The following C12orf71 variants were observed in gnomAD, a reference collection of about 807,000 sequenced individuals.
C12orf71 encodes the protein chromosome 12 open reading frame 71, also known as uncharacterized protein C12orf71.
C12orf71 carries 10 observed loss-of-function variants against 11.7 expected under a neutral mutation model. That is an observed-to-expected ratio of 0.86 (90% CI 0.53 to 1.45). The LOEUF is 1.45. Among genes scored for constraint, C12orf71 ranks in the 40% most tolerant of loss-of-function variants. The pLI is 0.00. For missense variants in C12orf71, 293 were observed against 325.8 expected (o/e 0.90, Z 0.78); for synonymous variants, 110 against 123.4 (o/e 0.89, Z 0.72).
In C12orf71 at chr12:27,081,750, G is replaced by C; in HGVS notation, c.516+218C>G. 4.2e-6 allele frequency: 3 copies of C among 717,450 alleles called. No individual in the cohort carries two copies. In the South Asian group the frequency reaches 4.5e-5, roughly 11 times the overall value. 44.4% of individuals were successfully genotyped at this position (717,450 alleles called of 1,614,324 possible). On this transcript the variant is annotated intron_variant, in intron 1 of 1. Transcript: ENST00000429849. ...CCTTGTTGTCTCCCACTGGTATCAC[G>C]TCAGTCCCCCTGGGACCTGCCTCCT...
chr12:27,082,232 G>T lies in C12orf71; in HGVS notation c.252C>A (p.Cys84Ter), dbSNP rs543742737. 1 of 1,613,476 alleles carries T rather than the reference G, an allele frequency of 6.2e-7. No individual in the cohort carries two copies. Among genetic ancestry groups the T allele is most frequent in the South Asian group, 1.1e-5 (1 of 91,006 alleles). The change falls in exon 1 of 2, where the codon TGC (cysteine) becomes TGA (stop). Residue 84 changes from cysteine (C) to a stop codon, truncating the protein, a stop_gained. Coordinates refer to ENST00000429849, the MANE Select transcript of C12orf71 (RefSeq NM_001080406.2). LOFTEE classifies it high-confidence loss of function. ...CCCAGGCCAGGAAGATGCTTAGTTT[G>T]CAAAACTGCTCTGGTTCATCCTGAA... is the stretch of plus-strand genomic sequence containing the variant. ...DQIQDEPEQF[C>*]KLSIFLAWDV...
At position 27,082,049 on chromosome 12, in the gene C12orf71, C is replaced by T; in HGVS notation, c.435G>A (p.Leu145=). The change falls in exon 1 of 2, where the codon CTG becomes CTA. Residue 145 remains leucine, a synonymous_variant. Coordinates refer to ENST00000429849, the MANE Select transcript of C12orf71 (RefSeq NM_001080406.2). The part of the protein sequence containing the change: ...VQEFQIFLEN[L]KDDDAVFPET... The stretch of plus-strand genomic sequence containing the variant: ...CAGGAAATACAGCGTCATCATCTTT[C>T]AGATTTTCTAGAAATATCTGAAACT... The T allele has an allele frequency of 6.2e-7, 1 of 1,601,272 alleles. No individual in the cohort carries two copies.
intron 1 of C12orf71, 23 bp downstream of exon 1, chr12:27,081,945 G>A (rs74075111): frequency 0.13 from 206,945 of 1,563,674 alleles, 14,706 homozygotes; most frequent in African/African-American, 0.26. Flanking sequence ...GTCTTGACAA[G>A]CATCATATTC....
chr12:27,082,589 C>T (rs763939053), upstream of C12orf71: 50 of 794,648 alleles, frequency 6.3e-5, no homozygotes, highest in Non-Finnish European at 1.3e-5. Context: ...TAAGCAAAAA[C>T]ATTATCCATT....
rs1222496030 is a variant in C12orf71 at position 27,081,347 on chromosome 12, A to T, written c.637T>A (p.Phe213Ile). ...SHTQAQCCLN[F>I]GWAFSWLRQR... is the part of the protein sequence containing the mutation. ...CTCAGCCAGCTGAAGGCCCACCCAAAGTTCAGGCAGCACTGGGCCTGTGTG... is the reference window on the plus strand; with the variant it reads ...CTCAGCCAGCTGAAGGCCCACCCAATGTTCAGGCAGCACTGGGCCTGTGTG... The change falls in exon 2 of 2, where the codon TTT becomes ATT. Residue 213 changes from phenylalanine to isoleucine, a missense_variant. Coordinates refer to ENST00000429849, the MANE Select transcript of C12orf71 (RefSeq NM_001080406.2). 6.2e-7 allele frequency: 1 copy of T among 1,613,984 alleles called. No individual in the cohort carries two copies. Among genetic ancestry groups the T allele is most frequent in the East Asian group, 2.2e-5 (1 of 44,860 alleles).
upstream of C12orf71, among the ~76,000 whole-genome samples, chr12:27,083,680 T>C (rs150819122): frequency 4.1e-4 from 62 of 152,358 alleles, 1 homozygote; most frequent in African/African-American, 1.4e-3. Context: ...TCTGCAATTT[T>C]TAACCACTTC....
At chr12:27,081,798 G>T (rs1302696321) in intron 1 of C12orf71, 170 bp downstream of exon 1, 3 of 782,094 alleles carry the variant, frequency 3.8e-6, no homozygotes, top group Admixed American at 4.0e-5. Flanking sequence ...AAGATTCTGT[G>T]GTTCAACCCA....
chr12:27,083,957 C>G (rs1357385778), upstream of C12orf71, among the ~76,000 whole-genome samples: 1 of 152,164 alleles, frequency 6.6e-6, no homozygotes, highest in African/African-American at 2.4e-5. Context: ...TGCACGCGTG[C>G]ACGCGCGCAC....
chr12:27,083,889 G>C (rs1941956843), upstream of C12orf71, among the ~76,000 whole-genome samples: 1 of 152,194 alleles, frequency 6.6e-6, no homozygotes, highest in Non-Finnish European at 1.5e-5. Flanking sequence ...ACACTGTTTA[G>C]TCCAGCTTTT....
chr12:27,081,812 C>T, intron 1 of C12orf71, 156 bp downstream of exon 1: 2 of 842,472 alleles, frequency 2.4e-6, no homozygotes, highest in Non-Finnish European at 3.9e-6. Flanking sequence ...CAACCCAGGC[C>T]TATCCCTTCC....
At chr12:27,083,774 A>G (rs1463733706), upstream of C12orf71, among the ~76,000 whole-genome samples, 1 of 152,246 alleles carries the variant, frequency 6.6e-6, no homozygotes, top group African/African-American at 2.4e-5. Flanking sequence ...ATGTAGGATT[A>G]ATGGACCAAA....
In C12orf71 at chr12:27,082,463, G is replaced by C. The variant is rs200508281; in HGVS notation, c.21C>G (p.Asn7Lys). MAYSSSNSDIEDDSSKS... is the reference protein window; with the variant it reads MAYSSSKSDIEDDSSKS... Reference sequence around the variant, plus strand: ...TGGAGCTGTCGTCCTCTATGTCGCTGTTAGAGGATGAATATGCCATGGAGT... The same window carrying C: ...TGGAGCTGTCGTCCTCTATGTCGCTCTTAGAGGATGAATATGCCATGGAGT... Residue 7 changes from asparagine (N) to lysine (K), a missense_variant, in exon 1 of 2, where the codon AAC becomes AAG. Physicochemically the swap from Asn to Lys is moderately conservative, Grantham distance 94. Coordinates refer to ENST00000429849, the MANE Select transcript of C12orf71 (RefSeq NM_001080406.2). The C allele has an allele frequency of 7.3e-6, 11 of 1,504,818 alleles. No homozygotes were observed. The South Asian group carries it at 1.5e-4, about 21-fold the overall frequency. The allele number at this position is 1,504,818 out of a possible 1,614,324, so 93.2% of individuals were successfully genotyped here.
upstream of C12orf71, among the ~76,000 whole-genome samples, chr12:27,083,762 A>G (rs548593047): frequency 7.2e-5 from 11 of 152,274 alleles, no homozygotes; most frequent in Admixed American, 2.0e-4. Context: ...TTATTTTTCT[A>G]TATGTAGGAT....
chr12:27,083,952 G>A (rs1316166179), upstream of C12orf71, among the ~76,000 whole-genome samples: 3 of 152,138 alleles, frequency 2.0e-5, no homozygotes, highest in Non-Finnish European at 4.4e-5. Context: ...GTGCATGCAC[G>A]CGTGCACGCG....
At chr12:27,081,607 T>A in intron 1 of C12orf71, 140 bp from the exon 2 acceptor site, 3 of 819,528 alleles carry the variant, frequency 3.7e-6, no homozygotes, top group Non-Finnish European at 5.8e-6. Flanking sequence ...TCATCAATAC[T>A]AAACATATAC....
At position 27,081,445 on chromosome 12, in the gene C12orf71, C is replaced by T. The variant is rs759136904; in HGVS notation, c.539G>A (p.Ser180Asn). 6.2e-7 allele frequency: 1 copy of T among 1,610,164 alleles called. No homozygotes were observed. Among genetic ancestry groups the T allele is most frequent in the Non-Finnish European group, 8.5e-7 (1 of 1,177,064 alleles). The change falls in exon 2 of 2, where the codon AGC becomes AAC. Residue 180 changes from serine (S) to asparagine (N), a missense_variant. Coordinates refer to ENST00000429849, the MANE Select transcript of C12orf71 (RefSeq NM_001080406.2). ...GATCTCTGGAGCGCTTGTCCTTTGG[C>T]TGGCGGTTGCCTGGCTTATCATCTG... ...MVQMISQATA[S>N]QRTSAPEISS...
intron 1 of C12orf71, 72 bp from the exon 2 acceptor site, chr12:27,081,539 G>A: frequency 4.1e-6 from 6 of 1,467,712 alleles, no homozygotes; most frequent in Non-Finnish European, 5.6e-6. Flanking sequence ...TTACTCATTT[G>A]TGGAACTCAC....
At position 27,082,166 on chromosome 12, in the gene C12orf71, A is replaced by G. The variant is rs772410901; in HGVS notation, c.318T>C (p.Asn106=). Residue 106 remains asparagine (N), a synonymous_variant, in exon 1 of 2, where the codon AAT becomes AAC. Coordinates refer to ENST00000429849, the MANE Select transcript of C12orf71 (RefSeq NM_001080406.2). ...ACAGGTTGTCTCCATTTAGAAGCCTATTAGCTCTTGAGTCTGTGTTATCGG... is the reference window on the plus strand; with the variant it reads ...ACAGGTTGTCTCCATTTAGAAGCCTGTTAGCTCTTGAGTCTGTGTTATCGG... ...IGSDNTDSRA[N]RLLNGDNLWI... 11 of 1,613,960 alleles carry G rather than the reference A, an allele frequency of 6.8e-6. No homozygotes were observed. Among genetic ancestry groups the G allele is most frequent in the South Asian group, 4.4e-5 (4 of 91,076 alleles).
Position 27,081,818 on chromosome 12 carries a change from C to T in C12orf71, c.516+150G>A, listed in dbSNP as rs1270763941. Reference sequence around the variant, plus strand: ...TCTGTGGTTCAACCCAGGCCTATCCCTTCCTGTCCTGTGAGGCATCTCTGC... The same window carrying T: ...TCTGTGGTTCAACCCAGGCCTATCCTTTCCTGTCCTGTGAGGCATCTCTGC... On this transcript the variant is annotated intron_variant, in intron 1 of 1. Coordinates refer to ENST00000429849, the MANE Select transcript of C12orf71 (RefSeq NM_001080406.2). 5 of 874,550 alleles carry T rather than the reference C, an allele frequency of 5.7e-6. No individual in the cohort carries two copies. In the East Asian group the frequency reaches 1.1e-4, roughly 18 times the overall value. The allele number at this position is 874,550 out of a possible 1,614,324, so 54.2% of individuals were successfully genotyped here. A position where few individuals can be genotyped will look rare whatever the true frequency, so the allele number is the denominator to read the frequency against.
Sources: gnomAD v4.1 joint callset for allele counts (sites outside exome capture counted in the v4.1 genomes callset) on GRCh38, gnomAD v4.1.1 for gene constraint, MANE v1.5 for transcripts, NCBI Gene and HGNC (gene_info 2026-07-23, HGNC 2026-07-21) for gene names.